AFTPH: variants seen among roughly 807,000 people sequenced by gnomAD.
AFTPH encodes the protein aftiphilin protein.
In AFTPH, 7 loss-of-function variants were observed where a neutral mutation model predicts 72.5. That is an observed-to-expected ratio of 0.10 (90% CI 0.05 to 0.18). The LOEUF (loss-of-function observed/expected upper bound fraction) is 0.18. AFTPH is among the 10% of genes least tolerant of loss of function. The pLI is 1.00. For synonymous variants in AFTPH, 337 were observed against 370.1 expected (o/e 0.91, Z 1.03); for missense variants, 979 against 1,060.5 (o/e 0.92, Z 1.07).
At chr2:64,569,188 G>C in exon 4 of AFTPH, 1 of 1,613,938 alleles carries the variant, frequency 6.2e-7, no homozygotes, top group South Asian at 1.1e-5. Context: ...AGAAGCTTTT[G>C]TCCTCCTTGG....
At chr2:64,551,841 A>G (rs1671065016) in exon 2 of AFTPH, 2 of 1,613,598 alleles carry the variant, frequency 1.2e-6, no homozygotes, top group Non-Finnish European at 1.7e-6. Flanking sequence ...AATGTTAGCT[A>G]CTTCCATTGA....
At chr2:64,585,293 T>C in intron 7 of AFTPH, 129 bp from the exon 9 acceptor site, 1 of 1,152,844 alleles carries the variant, frequency 8.7e-7, no homozygotes, top group Non-Finnish European at 1.3e-6. Context: ...TATTGCAGTG[T>C]TCTAAAGATA....
chr2:64,538,603 G>A (rs1029236530), intron 1 of AFTPH, among the ~76,000 whole-genome samples: 7 of 152,142 alleles, frequency 4.6e-5, no homozygotes, highest in Non-Finnish European at 1.0e-4. Context: ...TTGGTTAATT[G>A]TTTTGTTTCC....
At chr2:64,542,186 A>C (rs1670293583) in intron 1 of AFTPH, among the ~76,000 whole-genome samples, 1 of 151,854 alleles carries the variant, frequency 6.6e-6, no homozygotes, top group African/African-American at 2.4e-5. Flanking sequence ...TCTGGAAAGA[A>C]CTCTCGATGT....
chr2:64,575,136 G>A (rs183869879), intron 6 of AFTPH, among the ~76,000 whole-genome samples: 3 of 152,152 alleles, frequency 2.0e-5, no homozygotes, highest in Admixed American at 2.0e-4. Context: ...TTTTCCTCTA[G>A]CTGATTTGAT....
chr2:64,575,187 C>CT, intron 6 of AFTPH, among the ~76,000 whole-genome samples: 1 of 152,240 alleles, frequency 6.6e-6, no homozygotes, highest in Non-Finnish European at 1.5e-5. Context: ...TATCATGTTT[C>CT]TTTTATAATT....
intron 2 of AFTPH, among the ~76,000 whole-genome samples, chr2:64,555,989 C>CTTTTTTTTTT (rs774669104): frequency 2.2e-5 from 3 of 134,104 alleles, no homozygotes; most frequent in African/African-American, 9.3e-5. Context: ...GAATTCCTCA[C>CTTTTTTTTTT]TTTTTTTTTT....
At chr2:64,576,599 T>G (rs1672817691) in intron 6 of AFTPH, among the ~76,000 whole-genome samples, 1 of 152,210 alleles carries the variant, frequency 6.6e-6, no homozygotes. Context: ...GGTCAATACT[T>G]TACACTTTAT....
At chr2:64,553,608 G>A (rs1408984328) in intron 2 of AFTPH, among the ~76,000 whole-genome samples, 199 bp downstream of exon 2, 2 of 150,962 alleles carry the variant, frequency 1.3e-5, no homozygotes, top group Admixed American at 6.6e-5. Flanking sequence ...ATAGTAAAGC[G>A]CAGTAAGATT....
chr2:64,568,737 G>A (rs1324990558), intron 3 of AFTPH, among the ~76,000 whole-genome samples: 1 of 152,122 alleles, frequency 6.6e-6, no homozygotes, highest in Non-Finnish European at 1.5e-5. Context: ...AGCCTCCCGA[G>A]TAGCTGGGAT....
At chr2:64,529,262 C>T (rs997280772) in intron 1 of AFTPH, among the ~76,000 whole-genome samples, 6 of 151,892 alleles carry the variant, frequency 4.0e-5, no homozygotes, top group African/African-American at 1.5e-4. Flanking sequence ...TTAATGACTA[C>T]CATTTCCTCT....
rs774669104 is a variant in AFTPH at position 64,555,989 on chromosome 2, C to CTTTTTT, written c.1935+2590_1935+2595dup. 2.2e-4 allele frequency among the ~76,000 whole-genome samples: 30 copies of CTTTTTT among 134,102 alleles called. 1 individual carries two copies. The highest frequency in any genetic ancestry group is 7.7e-4 in the African/African-American group (25 of 32,354). The allele number at this position is 134,102 out of a possible 152,430, so 88.0% of individuals were successfully genotyped here. On this transcript the variant is annotated intron_variant, in intron 2 of 8. Coordinates refer to ENST00000238856, the Ensembl canonical transcript of AFTPH. Reference sequence around the variant, plus strand: ...TGTTTGGAACAGCACGAATTCCTCACTTTTTTTTTTTTTTTGGAGACAGAA... The same window carrying CTTTTTT: ...TGTTTGGAACAGCACGAATTCCTCACTTTTTTTTTTTTTTTTTTTTTGGAGACAGAA...
intron 1 of AFTPH, among the ~76,000 whole-genome samples, chr2:64,526,006 C>T (rs1187595358): frequency 6.6e-6 from 1 of 152,190 alleles, no homozygotes; most frequent in African/African-American, 2.4e-5. Context: ...TCAAAGTACA[C>T]ATATATTTTT....
At chr2:64,576,074 TACACAC>T (rs55774717) in intron 6 of AFTPH, among the ~76,000 whole-genome samples, 7,552 of 127,642 alleles carry the variant, frequency 0.059, 265 homozygotes, top group South Asian at 0.13. Flanking sequence ...TTTGGCATGC[TACACAC>T]ACACACACAC....
intron 1 of AFTPH, among the ~76,000 whole-genome samples, chr2:64,536,566 TAAAAAAAAAA>T (rs142981388): frequency 8.4e-5 from 9 of 107,660 alleles, no homozygotes; most frequent in African/African-American, 2.2e-4. Context: ...GACTCCATCT[TAAAAAAAAAA>T]AAAAAAAAAA....
intron 2 of AFTPH, among the ~76,000 whole-genome samples, chr2:64,565,321 A>G (rs1239993733): frequency 6.6e-6 from 1 of 151,718 alleles, no homozygotes; most frequent in Non-Finnish European, 1.5e-5. Flanking sequence ...TAAAAATACA[A>G]AAAATTAGCT....
At chr2:64,534,590 T>C (rs1669789167) in intron 1 of AFTPH, among the ~76,000 whole-genome samples, 1 of 152,176 alleles carries the variant, frequency 6.6e-6, no homozygotes. Context: ...AGGGCAAGTG[T>C]TACACGTAAC....
chr2:64,573,432 T>TAAA (rs57001495), intron 6 of AFTPH, among the ~76,000 whole-genome samples: 6 of 140,486 alleles, frequency 4.3e-5, no homozygotes, highest in Non-Finnish European at 7.7e-5. Flanking sequence ...GTGCTGGGTT[T>TAAA]AAAAAAAAAA....
intron 7 of AFTPH, 197 bp downstream of exon 7, chr2:64,579,743 A>ATATAGGTAATAGTAGT: frequency 2.2e-6 from 1 of 448,572 alleles, no homozygotes; most frequent in Non-Finnish European, 3.9e-6. Flanking sequence ...TAATGTCCAA[A>ATATAGGTAATAGTAGT]TATAGGTAAT....
Sources: allele counts gnomAD v4.1 joint callset (sites outside exome capture counted in the v4.1 genomes callset), GRCh38; gene constraint gnomAD v4.1.1; transcripts MANE v1.5; gene names NCBI Gene and HGNC (gene_info 2026-07-23, HGNC 2026-07-21).